Variants in FBXO38 observed in about 807,000 individuals in gnomAD.
The protein encoded by FBXO38 is F-box only protein 38.
In FBXO38, 53 loss-of-function variants were observed where a neutral mutation model predicts 131.9. The ratio of observed to expected loss-of-function variants is 0.40; its 90% CI spans 0.32 to 0.51. The LOEUF is 0.51. Among genes scored for constraint, FBXO38 ranks in the 20% least tolerant of loss-of-function variants. FBXO38 has a pLI of 0.53. For synonymous variants in FBXO38, 452 were observed against 505.6 expected, an observed-to-expected ratio of 0.89 and a Z score of 1.42; for missense variants, 1,076 against 1,475.6, an observed-to-expected ratio of 0.73 and a Z score of 4.44.
intron 1 of FBXO38, among the ~76,000 whole-genome samples, chr5:148,387,308 A>G (rs1369897914): frequency 6.6e-6 from 1 of 152,170 alleles, no homozygotes; most frequent in Non-Finnish European, 1.5e-5. Context: ...GTTCATCTAT[A>G]AGAAGCAACT....
chr5:148,433,939 T>C (rs1754190170), intron 17 of FBXO38: 1 of 360,032 alleles, frequency 2.8e-6, no homozygotes, highest in African/African-American at 2.1e-5. Flanking sequence ...ACTTCGTTCA[T>C]CTTTTAAAAT....
intron 17 of FBXO38, chr5:148,434,820 G>A (rs547568146): frequency 3.3e-5 from 5 of 152,270 alleles, no homozygotes; most frequent in Admixed American, 1.3e-4. Flanking sequence ...GGCCAGGCAC[G>A]GTGGCTCACG....
intron 17 of FBXO38, among the ~76,000 whole-genome samples, chr5:148,435,910 A>G (rs1754322973): frequency 6.6e-6 from 1 of 152,148 alleles, no homozygotes; most frequent in African/African-American, 2.4e-5. Context: ...GGAAAGGGAG[A>G]GAGACAGGGG....
chr5:148,433,782 T>TCCTAATTCTTTTAACTCATTC, intron 17 of FBXO38, 45 bp downstream of exon 17: 1 of 1,091,608 alleles, frequency 9.2e-7, no homozygotes, highest in Non-Finnish European at 1.4e-6. Context: ...ATGAATGAGT[T>TCCTAATTCTTTTAACTCATTC]AAAAGAATTA....
chr5:148,391,067 C>T (rs1268222209), intron 1 of FBXO38, among the ~76,000 whole-genome samples: 1 of 152,170 alleles, frequency 6.6e-6, no homozygotes. Context: ...GCTGGTTAAT[C>T]GTCCTGTTGA....
At chr5:148,419,376 AT>A (rs899312205) in intron 12 of FBXO38, among the ~76,000 whole-genome samples, 3 of 151,574 alleles carry the variant, frequency 2.0e-5, no homozygotes, top group African/African-American at 2.4e-5. Context: ...TATAAGTTAG[AT>A]TTTTTTTTCC....
chr5:148,386,578 C>T (rs914412929), intron 1 of FBXO38, among the ~76,000 whole-genome samples: 2 of 152,118 alleles, frequency 1.3e-5, no homozygotes, highest in Non-Finnish European at 2.9e-5. Context: ...TCCTCTTCAA[C>T]TTTTAACATT....
intron 1 of FBXO38, among the ~76,000 whole-genome samples, chr5:148,385,969 C>T (rs148572677): frequency 3.9e-5 from 6 of 152,128 alleles, no homozygotes; most frequent in East Asian, 1.9e-4. Flanking sequence ...TTTGAATTGA[C>T]GAGATAGGAG....
intron 12 of FBXO38, among the ~76,000 whole-genome samples, chr5:148,418,341 C>T (rs1176808681): frequency 5.3e-5 from 8 of 152,154 alleles, no homozygotes; most frequent in African/African-American, 1.9e-4. Context: ...TTTCTCTACA[C>T]ATTTTCACTC....
chr5:148,428,989 T>C (rs1298467002), intron 15 of FBXO38, among the ~76,000 whole-genome samples: 1 of 152,224 alleles, frequency 6.6e-6, no homozygotes, highest in Non-Finnish European at 1.5e-5. Flanking sequence ...TGGTAAAATA[T>C]AACTTTACCA....
chr5:148,414,127 T>C lies in FBXO38; in HGVS notation c.1094-9T>C. ...ACTTTTTTTTTTTTTAATTGATTGC[T>C]CTTTTTAGGCAGAATGGCTAATGCG... On this transcript the variant is annotated splice_polypyrimidine_tract_variant and intron_variant, in intron 9 of 21. Coordinates refer to ENST00000340253, the MANE Select transcript of FBXO38 (RefSeq NM_205836.3). 2 of 1,580,726 alleles carry C rather than the reference T, an allele frequency of 1.3e-6. No homozygotes were observed. The highest frequency in any genetic ancestry group is 1.7e-6 in the Non-Finnish European group (2 of 1,169,720).
chr5:148,441,039 T>G, intron 20 of FBXO38, 85 bp from the exon 21 acceptor site: 1 of 878,664 alleles, frequency 1.1e-6, no homozygotes, highest in Admixed American at 1.8e-5. Context: ...TTATTTTATA[T>G]TTTACATTCT....
chr5:148,404,722 A>G lies in FBXO38; in HGVS notation c.630A>G (p.Leu210=), dbSNP rs758375556. The change falls in exon 6 of 22, where the codon CTA becomes CTG. Residue 210 remains leucine, a synonymous_variant. Coordinates refer to ENST00000340253, the MANE Select transcript of FBXO38 (RefSeq NM_205836.3). ...NVPEIPCIPM[L]RHLYMKWVRL... is the part of the protein sequence containing the mutation. ...CTGAAATTCCTTGTATCCCAATGCT[A>G]AGGCACCTTTATATGAAGTGGGTAA... is the stretch of plus-strand genomic sequence containing the variant. 1.3e-6 allele frequency: 2 copies of G among 1,599,762 alleles called. No homozygotes were observed. Among genetic ancestry groups the G allele is most frequent in the Admixed American group, 1.8e-5 (1 of 57,094 alleles).
chr5:148,411,658 G>A (rs1752764729), intron 9 of FBXO38, among the ~76,000 whole-genome samples: 1 of 151,992 alleles, frequency 6.6e-6, no homozygotes, highest in South Asian at 2.1e-4. Flanking sequence ...GTTTTTCACA[G>A]TACTCATTAA....
At chr5:148,433,324 G>T in intron 15 of FBXO38, 100 bp from the exon 16 acceptor site, 1 of 775,618 alleles carries the variant, frequency 1.3e-6, no homozygotes, top group Non-Finnish European at 2.2e-6. Context: ...TGTAGATTTG[G>T]GAATTACCTT....
intron 15 of FBXO38, among the ~76,000 whole-genome samples, chr5:148,429,010 A>G (rs1753881182): frequency 6.6e-6 from 1 of 152,160 alleles, no homozygotes; most frequent in African/African-American, 2.4e-5. Context: ...TTCAGTGTAC[A>G]GTGTATAATT....
intron 10 of FBXO38, among the ~76,000 whole-genome samples, 170 bp downstream of exon 10, chr5:148,414,476 C>T (rs1752940258): frequency 6.6e-6 from 1 of 152,130 alleles, no homozygotes; most frequent in South Asian, 2.1e-4. Flanking sequence ...GAAGTATATT[C>T]AATGCCTCTT....
intron 7 of FBXO38, among the ~76,000 whole-genome samples, chr5:148,408,421 A>G (rs1422504382): frequency 1.3e-5 from 2 of 152,234 alleles, no homozygotes; most frequent in Admixed American, 6.5e-5. Flanking sequence ...AGACATTTTT[A>G]AGATTGTTCA....
At chr5:148,408,081 T>C (rs1234225835) in intron 7 of FBXO38, among the ~76,000 whole-genome samples, 1 of 151,846 alleles carries the variant, frequency 6.6e-6, no homozygotes, top group Non-Finnish European at 1.5e-5. Flanking sequence ...AAGACTTGAA[T>C]AGAAAAGTTT....
Sources: gnomAD v4.1 joint callset for allele counts (sites outside exome capture counted in the v4.1 genomes callset) on GRCh38, gnomAD v4.1.1 for gene constraint, MANE v1.5 for transcripts, NCBI Gene and HGNC (gene_info 2026-07-23, HGNC 2026-07-21) for gene names.